Variants in C8A observed in about 807,000 individuals in gnomAD.
C8A encodes complement C8 alpha chain, also known as complement component C8 alpha chain.
A neutral mutation model predicts 65.3 loss-of-function variants in C8A; 67 were observed. The observed-to-expected ratio is 1.03, with a 90% CI of 0.84 to 1.26. The LOEUF is 1.26. Ranked by LOEUF, C8A falls within the 50% of genes most tolerant of loss-of-function variation. The pLI is 0.00. For synonymous variants in C8A, 290 were observed against 259.4 expected (o/e 1.12, Z -1.13); for missense variants, 781 against 723.9 (o/e 1.08, Z -0.90).
At chr1:56,859,440 G>A (rs1048437126) in intron 1 of C8A, among the ~76,000 whole-genome samples, 1 of 152,204 alleles carries the variant, frequency 6.6e-6, no homozygotes, top group Non-Finnish European at 1.5e-5. Flanking sequence ...GGACAGGCAG[G>A]CTAAAGAAAG....
Position 56,917,047 on chromosome 1 carries a change from G to C in C8A, c.1604-518G>C, listed in dbSNP as rs535115319. ...TCTCTTCACACCCTCCATTGACTCTGTGTCATTCTTCCAAGGGAGCACACC... is the reference window on the plus strand; with the variant it reads ...TCTCTTCACACCCTCCATTGACTCTCTGTCATTCTTCCAAGGGAGCACACC... On this transcript the variant is annotated intron_variant, in intron 10 of 10. Transcript: ENST00000361249. 1.6e-3 allele frequency among the ~76,000 whole-genome samples: 206 copies of C among 126,748 alleles called. 7 individuals are homozygous for C. In the South Asian group the frequency reaches 0.026, roughly 16 times the overall value. 83.2% of individuals were successfully genotyped at this position (126,748 alleles called of 152,430 possible).
At chr1:56,862,798 A>C (rs938567386) in intron 1 of C8A, among the ~76,000 whole-genome samples, 2 of 152,270 alleles carry the variant, frequency 1.3e-5, no homozygotes, top group Admixed American at 1.3e-4. Flanking sequence ...ATGCCTTAAA[A>C]ATATTTTCCA....
rs748348927 is a variant in C8A, at chr1:56,867,663, G to A, written c.132G>A (p.Trp44Ter). Residue 44 changes from tryptophan to a stop codon, truncating the protein, a stop_gained, in exon 2 of 11, where the codon TGG becomes TGA. Transcript: ENST00000361249. LOFTEE classifies it high-confidence loss of function. ...PAAVTCQLSN[W>*]SEWTDCFPCQ... is the part of the protein sequence containing the mutation. ...CAGTTACCTGCCAGCTGAGCAACTG[G>A]TCAGAGTGGACAGATTGCTTTCCGT... 4 of 1,613,836 alleles carry A rather than the reference G, an allele frequency of 2.5e-6. No homozygotes were observed. The highest frequency in any genetic ancestry group is 2.2e-5 in the East Asian group (1 of 44,886).
rs1444732542 is a variant in C8A, at chr1:56,883,469, T to C, written c.655-12T>C. Reference sequence around the variant, plus strand: ...TGTGCACAAAGCTAATATCTATCCTTTTTTTTTTCAGGCCCTGGCAGATAC... The same window carrying C: ...TGTGCACAAAGCTAATATCTATCCTCTTTTTTTTCAGGCCCTGGCAGATAC... On this transcript the variant is annotated splice_polypyrimidine_tract_variant and intron_variant, in intron 5 of 10. Transcript: ENST00000361249. The C allele has an allele frequency of 6.3e-7, 1 of 1,595,524 alleles. No homozygotes were observed.
intron 9 of C8A, 32 bp downstream of exon 9, chr1:56,908,145 G>C: frequency 1.2e-6 from 2 of 1,606,320 alleles, no homozygotes; most frequent in Non-Finnish European, 1.7e-6. Context: ...GAAACTCTAC[G>C]TCCATGAGGA....
Position 56,883,369 on chromosome 1 carries a change from T to A in C8A, c.655-112T>A, listed in dbSNP as rs1026175171. On this transcript the variant is annotated intron_variant, in intron 5 of 10. Coordinates refer to ENST00000361249, the MANE Select transcript of C8A (RefSeq NM_000562.3). ...TGGATTGCCTTATAAAAGAATTACC[T>A]ACCATAATCTAAAATTTTAGATATT... The A allele has an allele frequency of 3.3e-6, 3 of 898,376 alleles. No homozygotes were observed. The African/African-American group carries it at 5.1e-5, about 15-fold the overall frequency. The allele number at this position is 898,376 out of a possible 1,614,324, so 55.7% of individuals were successfully genotyped here. A position where few individuals can be genotyped will look rare whatever the true frequency, so the allele number is the denominator to read the frequency against.
Position 56,883,443 on chromosome 1 carries a change from A to G in C8A, c.655-38A>G, listed in dbSNP as rs375997419. 20 of 1,409,018 alleles carry G rather than the reference A, an allele frequency of 1.4e-5. No homozygotes were observed. In the Admixed American group the frequency reaches 2.0e-4, roughly 14 times the overall value. The allele number at this position is 1,409,018 out of a possible 1,614,324, so 87.3% of individuals were successfully genotyped here. On this transcript the variant is annotated intron_variant, in intron 5 of 10. Transcript: ENST00000361249. ...TAAATATGAATTGAGAAATGGCTCT[A>G]TGTGCACAAAGCTAATATCTATCCT...
At chr1:56,878,540 G>A (rs1356182286) in intron 4 of C8A, among the ~76,000 whole-genome samples, 1 of 152,108 alleles carries the variant, frequency 6.6e-6, no homozygotes, top group Non-Finnish European at 1.5e-5. Flanking sequence ...CTGGTAAAAT[G>A]GTCCTGCTCC....
chr1:56,870,340 A>G (rs980046827), intron 2 of C8A, among the ~76,000 whole-genome samples: 1 of 151,458 alleles, frequency 6.6e-6, no homozygotes, highest in Non-Finnish European at 1.5e-5. Flanking sequence ...TTTTGCAGCA[A>G]CCTAATATTT....
chr1:56,896,306 A>G (rs1242216654), intron 7 of C8A, among the ~76,000 whole-genome samples: 1 of 152,164 alleles, frequency 6.6e-6, no homozygotes, highest in Non-Finnish European at 1.5e-5. Flanking sequence ...TGCAGTCGGC[A>G]AGCTGGACAC....
At chr1:56,885,439 A>AATATATATTTAC (rs1319825623) in intron 6 of C8A, among the ~76,000 whole-genome samples, 2,064 of 118,870 alleles carry the variant, frequency 0.017, 98 homozygotes, top group African/African-American at 0.023. Flanking sequence ...TATATATTTA[A>AATATATATTTAC]GTAAATATAT....
At chr1:56,911,953 G>A (rs1345209455) in intron 9 of C8A, among the ~76,000 whole-genome samples, 1 of 152,192 alleles carries the variant, frequency 6.6e-6, no homozygotes, top group Non-Finnish European at 1.5e-5. Context: ...TTGGGATTGG[G>A]AGTGCACAGG....
At chr1:56,917,458 G>A (rs1644561522) in intron 10 of C8A, 107 bp from the exon 11 acceptor site, 2 of 1,168,322 alleles carry the variant, frequency 1.7e-6, no homozygotes, top group Non-Finnish European at 2.5e-6. Flanking sequence ...GGGGAGGCCA[G>A]TTCCTCTCCC....
chr1:56,862,324 G>A (rs369685463), intron 1 of C8A, among the ~76,000 whole-genome samples: 14 of 151,514 alleles, frequency 9.2e-5, no homozygotes, highest in African/African-American at 3.4e-4. Flanking sequence ...CTTTTACATC[G>A]GTGTTTCAAC....
At chr1:56,882,011 G>A (rs1227221847) in intron 5 of C8A, among the ~76,000 whole-genome samples, 1 of 152,140 alleles carries the variant, frequency 6.6e-6, no homozygotes, top group Admixed American at 6.6e-5. Flanking sequence ...AGAGTGTGGG[G>A]GAGGACAGGG....
rs753266768 is a variant in C8A at position 56,876,179 on chromosome 1, C to T, written c.434C>T (p.Pro145Leu). The change falls in exon 4 of 11, where the codon CCA (proline) becomes CTA (leucine). Residue 145 changes from proline to leucine, a missense_variant. Pro to Leu is a moderately conservative substitution (Grantham distance 98). Transcript: ENST00000361249. ...GACGAAGACTGCAGCCAGTATGAAC[C>T]AATTCCAGGATCACAGAAGGCAGCC... ...AIDEDCSQYE[P>L]IPGSQKAALG... The T allele has an allele frequency of 1.2e-6, 2 of 1,613,888 alleles. No individual in the cohort carries two copies. The highest frequency in any genetic ancestry group is 2.2e-5 in the East Asian group (1 of 44,844).
intron 2 of C8A, among the ~76,000 whole-genome samples, chr1:56,869,615 G>A (rs1398882807): frequency 1.1e-4 from 16 of 152,080 alleles, no homozygotes. Flanking sequence ...GGTTGTACTA[G>A]TTTATATTGC....
chr1:56,870,074 CT>C (rs1179312368), intron 2 of C8A, among the ~76,000 whole-genome samples: 1 of 152,108 alleles, frequency 6.6e-6, no homozygotes, highest in Non-Finnish European at 1.5e-5. Flanking sequence ...TTAAATGTGT[CT>C]GATCCCTACG....
chr1:56,906,874 T>G, intron 8 of C8A, 82 bp downstream of exon 8: 1 of 1,564,904 alleles, frequency 6.4e-7, no homozygotes, highest in East Asian at 2.2e-5. Flanking sequence ...AGCTATTTTT[T>G]TTCCCAGTTG....
Sources: allele counts gnomAD v4.1 joint callset (sites outside exome capture counted in the v4.1 genomes callset), GRCh38; gene constraint gnomAD v4.1.1; transcripts MANE v1.5; gene names NCBI Gene and HGNC (gene_info 2026-07-23, HGNC 2026-07-21).